VPS8: variants seen among roughly 807,000 people sequenced by gnomAD.
The protein encoded by VPS8 is VPS8 subunit of CORVET complex, also known as vacuolar protein sorting-associated protein 8 homolog.
VPS8 carries 129 observed loss-of-function variants against 216.4 expected under a neutral mutation model. That is an observed-to-expected ratio of 0.60 (90% CI 0.52 to 0.69). The LOEUF is 0.69. VPS8 is among the 30% of genes least tolerant of loss of function. The pLI is 0.00. For missense variants in VPS8, 1,531 were observed against 1,683.5 expected (o/e 0.91, Z 1.59); for synonymous variants, 571 against 565.4 (o/e 1.01, Z -0.14).
chr3:184,848,564 C>CTTTT (rs35715889), intron 8 of VPS8, among the ~76,000 whole-genome samples: 40 of 87,200 alleles, frequency 4.6e-4, no homozygotes, highest in East Asian at 6.4e-4. Context: ...TTCCTGTATT[C>CTTTT]TTTTTTTTTT....
chr3:184,892,321 A>T (rs1732497658), intron 22 of VPS8, among the ~76,000 whole-genome samples: 1 of 152,274 alleles, frequency 6.6e-6, no homozygotes, highest in Admixed American at 6.5e-5. Flanking sequence ...GGTTCAAGCA[A>T]TTCTCCTGCC....
intron 14 of VPS8, among the ~76,000 whole-genome samples, chr3:184,858,623 A>AT (rs1441539233): frequency 6.6e-6 from 1 of 152,214 alleles, no homozygotes; most frequent in East Asian, 1.9e-4. Flanking sequence ...AATGAGCAGG[A>AT]ACATGGTTGT....
chr3:184,900,335 T>G (rs1734255061), intron 24 of VPS8, among the ~76,000 whole-genome samples: 1 of 152,188 alleles, frequency 6.6e-6, no homozygotes, highest in African/African-American at 2.4e-5. Flanking sequence ...ATATACCAGC[T>G]TCACAAAAAT....
chr3:185,022,678 TTA>T (rs1165933933), intron 45 of VPS8, among the ~76,000 whole-genome samples: 2 of 152,202 alleles, frequency 1.3e-5, no homozygotes, highest in African/African-American at 4.8e-5. Flanking sequence ...TACTGGTAAT[TTA>T]TAGTCTCCTT....
intron 19 of VPS8, 71 bp downstream of exon 19, chr3:184,869,107 C>T: frequency 1.5e-6 from 2 of 1,335,700 alleles, no homozygotes; most frequent in Non-Finnish European, 2.1e-6. Flanking sequence ...GTACTAACCA[C>T]TCATAGGACA....
intron 17 of VPS8, among the ~76,000 whole-genome samples, chr3:184,867,325 A>G (rs1229073590): frequency 6.6e-6 from 1 of 152,226 alleles, no homozygotes; most frequent in African/African-American, 2.4e-5. Flanking sequence ...GTATTGAGGT[A>G]TTTGACTTAG....
At position 185,025,959 on chromosome 3, in the gene VPS8, TCTA is replaced by T. The variant is rs556153400; in HGVS notation, c.4056+1573_4056+1575del. Among the ~76,000 whole-genome samples the T allele has an allele frequency of 2.1e-3, 315 of 152,334 alleles. 1 individual carries two copies. The highest frequency in any genetic ancestry group is 3.5e-3 in the Non-Finnish European group (239 of 68,034). ...TTGTCCTGAAGATTAAATGAAATAG[TCTA>T]CTGCTTAAGAGTATAATACTATGTT... On this transcript the variant is annotated intron_variant, in intron 46 of 47. Coordinates refer to ENST00000625842, the MANE Select transcript of VPS8 (RefSeq NM_001009921.3).
chr3:184,826,015 G>A (rs891619386), intron 2 of VPS8, 148 bp from the exon 3 acceptor site: 2 of 604,402 alleles, frequency 3.3e-6, no homozygotes, highest in African/African-American at 3.7e-5. Flanking sequence ...CTGTAGTCTT[G>A]ACTTGATTAT....
chr3:184,957,629 T>C, intron 37 of VPS8, 108 bp downstream of exon 37: 1 of 1,312,478 alleles, frequency 7.6e-7, no homozygotes, highest in Non-Finnish European at 1.0e-6. Context: ...TTTTTAAACC[T>C]TATAAATTCT....
At chr3:185,029,765 T>C (rs1178464637) in intron 46 of VPS8, among the ~76,000 whole-genome samples, 3 of 152,150 alleles carry the variant, frequency 2.0e-5, no homozygotes, top group East Asian at 3.9e-4. Flanking sequence ...GGTTTCACCA[T>C]GTTGGCCAGG....
intron 40 of VPS8, 22 bp from the exon 41 acceptor site, chr3:184,982,544 T>G: frequency 6.3e-7 from 1 of 1,576,588 alleles, no homozygotes; most frequent in East Asian, 2.2e-5. Flanking sequence ...TTCTTTTTCT[T>G]TGATTTTCTC....
chr3:184,833,456 C>T (rs1243987987), intron 4 of VPS8, among the ~76,000 whole-genome samples: 1 of 152,150 alleles, frequency 6.6e-6, no homozygotes, highest in Admixed American at 6.5e-5. Flanking sequence ...TTTAGGTTAT[C>T]TCTTATGGGA....
At chr3:185,044,424 T>C (rs1313014568) in intron 46 of VPS8, among the ~76,000 whole-genome samples, 1 of 152,090 alleles carries the variant, frequency 6.6e-6, no homozygotes, top group African/African-American at 2.4e-5. Flanking sequence ...AATGAGATGA[T>C]CCATGCTAAG....
At chr3:184,942,576 C>A (rs1241537079) in intron 36 of VPS8, among the ~76,000 whole-genome samples, 1 of 152,132 alleles carries the variant, frequency 6.6e-6, no homozygotes, top group African/African-American at 2.4e-5. Context: ...CACCAGCTTA[C>A]CTTAGCTCTG....
rs532516318 is a variant in VPS8, at chr3:184,835,086, T to A, written c.447+344T>A. 1.2e-4 allele frequency: 22 copies of A among 176,996 alleles called. No individual in the cohort carries two copies. In the East Asian group the frequency reaches 3.2e-3, roughly 26 times the overall value. The allele number at this position is 176,996 out of a possible 1,614,324, so 11.0% of individuals were successfully genotyped here. On this transcript the variant is annotated intron_variant, in intron 5 of 47. Transcript: ENST00000625842. ...TGTTGAGATTGTGTGCTTGTTTTTTTTTTCTCTTTTCATATGGAGAAATGA... is the reference window on the plus strand; with the variant it reads ...TGTTGAGATTGTGTGCTTGTTTTTTATTTCTCTTTTCATATGGAGAAATGA...
rs1245689022 is a variant in VPS8 at position 184,824,795 on chromosome 3, T to G, written c.153+10T>G. 3.8e-6 allele frequency: 6 copies of G among 1,591,174 alleles called. No individual in the cohort carries two copies. The South Asian group carries it at 5.7e-5, about 15-fold the overall frequency. On this transcript the variant is annotated intron_variant, in intron 2 of 47. Coordinates refer to ENST00000625842, the MANE Select transcript of VPS8 (RefSeq NM_001009921.3). ...GTTCAAAAATGATCTGGTAAAAATTTCAATTTCTGTCAAGTGATAATGTTT... is the reference window on the plus strand; with the variant it reads ...GTTCAAAAATGATCTGGTAAAAATTGCAATTTCTGTCAAGTGATAATGTTT...
chr3:184,936,161 G>A, intron 34 of VPS8, 85 bp from the exon 35 acceptor site: 1 of 1,145,760 alleles, frequency 8.7e-7, no homozygotes, highest in Non-Finnish European at 1.3e-6. Context: ...CGACTGTATT[G>A]AGGTAGGTAA....
At chr3:184,951,013 T>C (rs888982971) in intron 36 of VPS8, among the ~76,000 whole-genome samples, 5 of 152,182 alleles carry the variant, frequency 3.3e-5, no homozygotes, top group Admixed American at 3.3e-4. Flanking sequence ...TTGTAAATAG[T>C]GCTGCAATAA....
chr3:184,999,814 A>C lies in VPS8; in HGVS notation c.3955A>C (p.Ser1319Arg). 1 of 1,612,272 alleles carries C rather than the reference A, an allele frequency of 6.2e-7. No homozygotes were observed. Among genetic ancestry groups the C allele is most frequent in the Non-Finnish European group, 8.5e-7 (1 of 1,179,318 alleles). Residue 1319 changes from serine to arginine, a missense_variant, in exon 45 of 48, where the codon AGT becomes CGT. Coordinates refer to ENST00000625842, the MANE Select transcript of VPS8 (RefSeq NM_001009921.3). ...CSSSNKVGKLSENSSEIKKGR... is the reference protein window; with the variant it reads ...CSSSNKVGKLRENSSEIKKGR... ...TTCAAGTAACAAAGTAGGAAAACTCAGTGAAAATTCATCTGAAATTAAAAA... is the reference window on the plus strand; with the variant it reads ...TTCAAGTAACAAAGTAGGAAAACTCCGTGAAAATTCATCTGAAATTAAAAA...
Sources: allele counts gnomAD v4.1 joint callset (sites outside exome capture counted in the v4.1 genomes callset), GRCh38; gene constraint gnomAD v4.1.1; transcripts MANE v1.5; gene names NCBI Gene and HGNC (gene_info 2026-07-23, HGNC 2026-07-21).